Variants in ATL2 observed in about 807,000 individuals in gnomAD.
ATL2 encodes atlastin GTPase 2.
Under a neutral mutation model 73.9 loss-of-function variants are expected in ATL2, and 31 were observed. The observed-to-expected ratio is 0.42, with a 90% CI of 0.32 to 0.57. ATL2 has a LOEUF of 0.57. Among genes scored for constraint, ATL2 ranks in the 20% least tolerant of loss-of-function variants. The pLI is 0.14. For missense variants in ATL2, 738 were observed against 702.6 expected, an observed-to-expected ratio of 1.05 and a Z score of -0.57; for synonymous variants, 291 against 237.5, an observed-to-expected ratio of 1.23 and a Z score of -2.07.
In ATL2 at chr2:38,303,348, C is replaced by T. The variant is rs1396306580; in HGVS notation, c.1072-3020G>A. Among the ~76,000 whole-genome samples the T allele has an allele frequency of 5.9e-5, 9 of 151,940 alleles. No individual in the cohort carries two copies. The East Asian group carries it at 9.7e-4, about 16-fold the overall frequency. ...AGTGTCCCAAGTAGCTGGGACTACA[C>T]GCGTGCGCCATCATGCCTGGCTAAT... On this transcript the variant is annotated intron_variant, in intron 9 of 12. Coordinates refer to ENST00000378954, the MANE Select transcript of ATL2 (RefSeq NM_001135673.4).
Position 38,296,107 on chromosome 2 carries a change from TCAATA to T in ATL2, c.1634_1638del (p.Val545GlufsTer5). The T allele has an allele frequency of 6.5e-7, 1 of 1,550,294 alleles. No homozygotes were observed. Among genetic ancestry groups the T allele is most frequent in the Non-Finnish European group, 8.7e-7 (1 of 1,146,100 alleles). ...TCCATCAAATTATCACCCAGGGGCT[TCAATA>T]CCTGTGGTATGAGAAATGTGCAAAA... On this transcript the variant is annotated frameshift_variant and splice_region_variant, in exon 13 of 13. Transcript: ENST00000378954. LOFTEE classifies it high-confidence loss of function.
At chr2:38,360,453 T>C (rs1670948165) in intron 1 of ATL2, among the ~76,000 whole-genome samples, 2 of 151,920 alleles carry the variant, frequency 1.3e-5, no homozygotes, top group African/African-American at 2.4e-5. Flanking sequence ...AGTCAACTAA[T>C]TTAGTTTTTG....
intron 1 of ATL2, chr2:38,359,612 G>A (rs1034124955): frequency 6.6e-6 from 1 of 151,898 alleles, no homozygotes; most frequent in Non-Finnish European, 1.5e-5. Flanking sequence ...AATGTACCCC[G>A]TTTCCATAGT....
chr2:38,344,787 T>C (rs1669927251), intron 1 of ATL2, among the ~76,000 whole-genome samples: 1 of 152,132 alleles, frequency 6.6e-6, no homozygotes, highest in Non-Finnish European at 1.5e-5. Flanking sequence ...TAATGTTTCA[T>C]TAAAGAAGAG....
chr2:38,301,004 C>T (rs1331053556), intron 9 of ATL2, among the ~76,000 whole-genome samples: 2 of 144,194 alleles, frequency 1.4e-5, no homozygotes, highest in Middle Eastern at 3.6e-3. Context: ...GAATTTCGCT[C>T]TTATTGCCCA....
chr2:38,315,826 T>G (rs960556760), intron 4 of ATL2, among the ~76,000 whole-genome samples: 9 of 152,310 alleles, frequency 5.9e-5, no homozygotes, highest in African/African-American at 2.2e-4. Context: ...GGTTCTCTTT[T>G]TACTCACACT....
chr2:38,299,628 A>C (rs1667082435), intron 10 of ATL2, among the ~76,000 whole-genome samples: 1 of 152,186 alleles, frequency 6.6e-6, no homozygotes, highest in Non-Finnish European at 1.5e-5. Context: ...AAATATGTGG[A>C]TCTCCAGGTG....
chr2:38,330,451 G>A (rs1668921293), intron 2 of ATL2, among the ~76,000 whole-genome samples: 1 of 152,098 alleles, frequency 6.6e-6, no homozygotes, highest in African/African-American at 2.4e-5. Context: ...AGGTAAGAAA[G>A]AAAGAAGTAA....
intron 6 of ATL2, among the ~76,000 whole-genome samples, chr2:38,313,786 C>A (rs1408243007): frequency 1.3e-5 from 2 of 152,060 alleles, no homozygotes; most frequent in African/African-American, 4.8e-5. Flanking sequence ...ATATTTCTGG[C>A]CTCTATATGC....
At chr2:38,320,832 GCAAAAA>G (rs933990260) in intron 2 of ATL2, among the ~76,000 whole-genome samples, 2 of 151,850 alleles carry the variant, frequency 1.3e-5, no homozygotes, top group South Asian at 2.1e-4. Context: ...ACACACAGTG[GCAAAAA>G]CAAAAACAAA....
chr2:38,340,410 G>A (rs575937124), intron 2 of ATL2, among the ~76,000 whole-genome samples: 11 of 150,866 alleles, frequency 7.3e-5, no homozygotes, highest in African/African-American at 2.4e-4. Flanking sequence ...AATTAGAAGT[G>A]GGGGGGGCAG....
chr2:38,365,008 C>T (rs1671228964), intron 1 of ATL2, among the ~76,000 whole-genome samples: 2 of 151,090 alleles, frequency 1.3e-5, no homozygotes, highest in African/African-American at 4.9e-5. Flanking sequence ...CACGCCACTG[C>T]ACTCCAGCCT....
intron 9 of ATL2, 135 bp downstream of exon 9, chr2:38,309,244 C>T: frequency 2.3e-6 from 2 of 858,122 alleles, no homozygotes; most frequent in South Asian, 4.4e-5. Context: ...ACATCTAATT[C>T]AAGGCAGAAA....
Position 38,299,370 on chromosome 2 carries a change from T to C in ATL2, c.1129-43A>G, listed in dbSNP as rs1667070098. Reference sequence around the variant, plus strand: ...CCATTATTATGCAAAAAATACTCTATGACTCTAAAAATTCTGATTAACACA... The same window carrying C: ...CCATTATTATGCAAAAAATACTCTACGACTCTAAAAATTCTGATTAACACA... On this transcript the variant is annotated intron_variant, in intron 10 of 12. Coordinates refer to ENST00000378954, the MANE Select transcript of ATL2 (RefSeq NM_001135673.4). 4.0e-6 allele frequency: 6 copies of C among 1,501,778 alleles called. No homozygotes were observed. The East Asian group carries it at 1.1e-4, about 27-fold the overall frequency. 93.0% of individuals were successfully genotyped at this position (1,501,778 alleles called of 1,614,324 possible). A position where few individuals can be genotyped will look rare whatever the true frequency, so the allele number is the denominator to read the frequency against.
intron 2 of ATL2, among the ~76,000 whole-genome samples, chr2:38,341,739 A>G (rs965738900): frequency 2.6e-5 from 4 of 152,238 alleles, no homozygotes; most frequent in African/African-American, 7.2e-5. Context: ...AAACTATGCT[A>G]TTGATACTCA....
chr2:38,376,418 GCCTTACTATCGT>G (rs1671970231), intron 1 of ATL2: 1 of 382,710 alleles, frequency 2.6e-6, no homozygotes, highest in Admixed American at 4.4e-5. Context: ...GAGTGATCAG[GCCTTACTATCGT>G]CCAAGTGACT....
chr2:38,344,956 C>A (rs1378486455), intron 1 of ATL2, among the ~76,000 whole-genome samples: 1 of 152,188 alleles, frequency 6.6e-6, no homozygotes, highest in Non-Finnish European at 1.5e-5. Flanking sequence ...CATAACTTTA[C>A]TGAATAGTGA....
chr2:38,375,325 G>A (rs1164055853), intron 1 of ATL2, among the ~76,000 whole-genome samples: 1 of 152,114 alleles, frequency 6.6e-6, no homozygotes, highest in Non-Finnish European at 1.5e-5. Flanking sequence ...TGAGTGACTC[G>A]GAGCAAATTA....
chr2:38,352,020 G>C (rs1385726963), intron 1 of ATL2, among the ~76,000 whole-genome samples: 1 of 140,316 alleles, frequency 7.1e-6, no homozygotes, highest in African/African-American at 2.6e-5. Context: ...GCTGAGGCAG[G>C]AGAATTGCTT....
Sources: gnomAD v4.1 joint callset for allele counts (sites outside exome capture counted in the v4.1 genomes callset) on GRCh38, gnomAD v4.1.1 for gene constraint, MANE v1.5 for transcripts, NCBI Gene and HGNC (gene_info 2026-07-23, HGNC 2026-07-21) for gene names.